The following DOC2B variants were observed in gnomAD, a reference collection of about 807,000 sequenced individuals.
DOC2B encodes double C2 domain beta.
In DOC2B, 21 loss-of-function variants were observed where a neutral mutation model predicts 28.9. That is an observed-to-expected ratio of 0.73 (90% confidence interval 0.52 to 1.05). DOC2B has a LOEUF of 1.05. Among genes scored for constraint, DOC2B ranks in the 50% least tolerant of loss-of-function variants. DOC2B has a pLI of 0.00. For synonymous variants in DOC2B, 194 were observed against 178.1 expected, an observed-to-expected ratio of 1.09 and a Z score of -0.71; for missense variants, 384 against 421.1, an observed-to-expected ratio of 0.91 and a Z score of 0.77.
chr17:144,749 G>A lies in DOC2B; in HGVS notation c.*2692C>T, dbSNP rs2040007498. 1 of 152,248 alleles carries A rather than the reference G, an allele frequency of 6.6e-6. No individual in the cohort carries two copies. Among genetic ancestry groups the A allele is most frequent in the Non-Finnish European group, 1.5e-5 (1 of 68,084 alleles). 9.4% of individuals were successfully genotyped at this position (152,248 alleles called of 1,614,324 possible). On this transcript the variant is annotated 3_prime_UTR_variant, in exon 9 of 9. Transcript: ENST00000613549. ...GTCCCAGCCCCATTTGCACAGCCTGGGCAGTAGAGGGCCCTGGACTGGGGG... is the reference window on the plus strand; with the variant it reads ...GTCCCAGCCCCATTTGCACAGCCTGAGCAGTAGAGGGCCCTGGACTGGGGG...
intron 6 of DOC2B, 115 bp downstream of exon 6, chr17:156,105 C>G: frequency 8.2e-7 from 1 of 1,223,804 alleles, no homozygotes; most frequent in Non-Finnish European, 1.1e-6. Context: ...ACACAGCGCC[C>G]CTGTACCTCA....
Position 181,453 on chromosome 17 carries a change from C to T in DOC2B, c.27G>A (p.Lys9=). ...TATGCTCCTGGATGCTGATGGTCGC[C>T]TTCTCCCCGCGCCGCCGGAGGGTCA... MTLRRRGE[K]ATISIQEHMA... Residue 9 remains lysine, a synonymous_variant, in exon 1 of 9, where the codon AAG becomes AAA. Transcript: ENST00000613549. The surrounding 1 kb of genome is among the most constrained non-coding windows in gnomAD (Gnocchi z 7.0). The T allele has an allele frequency of 8.8e-7, 1 of 1,142,396 alleles. No homozygotes were observed. The highest frequency in any genetic ancestry group is 1.1e-6 in the Non-Finnish European group (1 of 918,904). The allele number at this position is 1,142,396 out of a possible 1,614,324, so 70.8% of individuals were successfully genotyped here.
chr17:153,522 G>C lies in DOC2B; in HGVS notation c.923+2698C>G, dbSNP rs146477792. 6.1e-3 allele frequency among the ~76,000 whole-genome samples: 933 copies of C among 152,252 alleles called. 24 individuals are homozygous for C. Among genetic ancestry groups the C allele is most frequent in the Admixed American group, 0.042 (644 of 15,286 alleles). On this transcript the variant is annotated intron_variant, in intron 6 of 8. Coordinates refer to ENST00000613549, the MANE Select transcript of DOC2B (RefSeq NM_003585.5). The stretch of plus-strand genomic sequence containing the variant: ...GTTCAAGACCAGCCTGGCCAACATG[G>C]TGAAACCCCGTCTACTAAAAATACA...
intron 6 of DOC2B, among the ~76,000 whole-genome samples, chr17:153,494 G>A (rs1199213014): frequency 1.3e-5 from 2 of 152,218 alleles, no homozygotes; most frequent in Non-Finnish European, 2.9e-5. Flanking sequence ...CTTGAGGTCA[G>A]GAGTTCAAGA....
chr17:147,813 G>A (rs2040032160), intron 8 of DOC2B, among the ~76,000 whole-genome samples: 1 of 152,220 alleles, frequency 6.6e-6, no homozygotes. Context: ...CAGCATCAGG[G>A]GTCAAGGAAT....
Position 162,101 on chromosome 17 carries a change from G to A in DOC2B, c.618C>T (p.Asp206=), listed in dbSNP as rs1402791881. ...TLTYYGITDE[D]MIRKTLRISV... ...CCCACCGCAGGGTCTTGCGGATCAT[G>A]TCTTCATCTGTGATCCCGTAGTAAG... The change falls in exon 4 of 9, where the codon GAC becomes GAT. Residue 206 remains aspartate (D), a synonymous_variant. Transcript: ENST00000613549. 6.4e-7 allele frequency: 1 copy of A among 1,551,398 alleles called. No homozygotes were observed. Among genetic ancestry groups the A allele is most frequent in the Non-Finnish European group, 8.7e-7 (1 of 1,146,596 alleles).
chr17:149,073 AG>A, intron 7 of DOC2B, 37 bp downstream of exon 7: 1 of 398,916 alleles, frequency 2.5e-6, no homozygotes, highest in Non-Finnish European at 4.4e-6. Context: ...TGTGGGGCAG[AG>A]GAATGGCCTT....
rs141636912 is a variant in DOC2B, at chr17:170,640, G to C, written c.453+1897C>G. 1.9e-4 allele frequency among the ~76,000 whole-genome samples: 29 copies of C among 152,308 alleles called. No homozygotes were observed. In the East Asian group the frequency reaches 5.4e-3, roughly 28 times the overall value. On this transcript the variant is annotated intron_variant, in intron 2 of 8. Coordinates refer to ENST00000613549, the MANE Select transcript of DOC2B (RefSeq NM_003585.5). Reference sequence around the variant, plus strand: ...CCATGCAGGCCCTTACCTTGCGAGAGAACATCAATTTTGGCACCTTCCTCC... The same window carrying C: ...CCATGCAGGCCCTTACCTTGCGAGACAACATCAATTTTGGCACCTTCCTCC...
chr17:156,478 C>T (rs957893855), intron 5 of DOC2B, 101 bp from the exon 6 acceptor site: 18 of 1,364,590 alleles, frequency 1.3e-5, no homozygotes, highest in African/African-American at 5.8e-5. Context: ...CTGCTGCAGC[C>T]GGGCCTGGTC....
chr17:148,322 G>T (rs970003134), intron 7 of DOC2B, 53 bp from the exon 8 acceptor site: 1 of 398,288 alleles, frequency 2.5e-6, no homozygotes, highest in Non-Finnish European at 4.4e-6. Flanking sequence ...GGCCTCCGCC[G>T]GGGGCCAGGA....
intron 6 of DOC2B, among the ~76,000 whole-genome samples, chr17:149,785 C>T (rs1418158108): frequency 5.9e-5 from 9 of 152,278 alleles, no homozygotes; most frequent in East Asian, 5.8e-4. Context: ...GGATTACAGG[C>T]GTGAGCCACC....
At chr17:177,196 G>A (rs536239062) in intron 1 of DOC2B, among the ~76,000 whole-genome samples, 2 of 152,312 alleles carry the variant, frequency 1.3e-5, no homozygotes, top group Non-Finnish European at 2.9e-5. Flanking sequence ...GGGACAGAGA[G>A]AAATGAGCCA....
intron 1 of DOC2B, among the ~76,000 whole-genome samples, chr17:175,643 C>T (rs2040361617): frequency 6.6e-6 from 1 of 152,258 alleles, no homozygotes; most frequent in African/African-American, 2.4e-5. Flanking sequence ...TTCAAACCAA[C>T]TTGCCCTCCA....
At chr17:168,991 G>A (rs980485755) in intron 2 of DOC2B, among the ~76,000 whole-genome samples, 1 of 152,130 alleles carries the variant, frequency 6.6e-6, no homozygotes, top group Non-Finnish European at 1.5e-5. Context: ...GGAGGCCCTG[G>A]CTGGTACTGG....
chr17:166,277 C>T (rs1161030821), intron 2 of DOC2B, among the ~76,000 whole-genome samples: 2 of 152,262 alleles, frequency 1.3e-5, no homozygotes, highest in African/African-American at 4.8e-5. Context: ...CTGGTCCTGA[C>T]CCGGGGTTCC....
rs559791077 is a variant in DOC2B at position 181,307 on chromosome 17, G to A, written c.173C>T (p.Ala58Val). 4.2e-6 allele frequency: 5 copies of A among 1,178,764 alleles called. No homozygotes were observed. The highest frequency in any genetic ancestry group is 1.6e-5 in the African/African-American group (1 of 62,078). 73.0% of individuals were successfully genotyped at this position (1,178,764 alleles called of 1,614,324 possible). A position where few individuals can be genotyped will look rare whatever the true frequency, so the allele number is the denominator to read the frequency against. ...AGPRAAAPPD[A>V]PARPAVAGAG... ...ACCGGCCACAGCCGGGCGCGCGGGG[G>A]CGTCCGGGGGTGCAGCGGCTCGGGG... Residue 58 changes from alanine (A) to valine (V), a missense_variant, in exon 1 of 9, where the codon GCC becomes GTC. By Grantham distance (64) the Ala-to-Val change is moderately conservative (BLOSUM62 0). Transcript: ENST00000613549. This position sits in a 1 kb window ranked among gnomAD's most constrained non-coding sequence, Gnocchi z 7.0.
intron 5 of DOC2B, among the ~76,000 whole-genome samples, chr17:161,131 G>T (rs923369338): frequency 2.0e-5 from 3 of 152,046 alleles, no homozygotes; most frequent in Admixed American, 6.5e-5. Context: ...CAGGCCTCCT[G>T]CCCTCTCCTC....
At chr17:148,825 C>A (rs1458935805) in intron 7 of DOC2B, among the ~76,000 whole-genome samples, 1 of 152,046 alleles carries the variant, frequency 6.6e-6, no homozygotes, top group Non-Finnish European at 1.5e-5. Context: ...TTGCCCCACA[C>A]AGAGTTTCTC....
chr17:179,977 C>T (rs903758474), intron 1 of DOC2B, among the ~76,000 whole-genome samples: 6 of 152,228 alleles, frequency 3.9e-5, no homozygotes, highest in African/African-American at 1.2e-4. Context: ...TCTGGTGGCA[C>T]ATTTGATGCT....
Sources: allele counts gnomAD v4.1 joint callset (sites outside exome capture counted in the v4.1 genomes callset), GRCh38; gene constraint gnomAD v4.1.1; non-coding constraint Gnocchi (gnomAD v3.1); transcripts MANE v1.5; gene names NCBI Gene and HGNC (gene_info 2026-07-23, HGNC 2026-07-21).